PDK3: variants seen among roughly 807,000 people sequenced by gnomAD.
PDK3 encodes the protein pyruvate dehydrogenase kinase, isozyme 3.
In PDK3, 12 loss-of-function variants were observed where a neutral mutation model predicts 32.0. That is an observed-to-expected ratio of 0.37 (90% CI 0.24 to 0.61). The LOEUF (loss-of-function observed/expected upper bound fraction) is 0.61, where lower values mean the gene tolerates loss of function less well. PDK3 is among the 20% of genes least tolerant of loss of function. The pLI is 0.65. For synonymous variants in PDK3, 122 were observed against 116.3 expected, an observed-to-expected ratio of 1.05 and a Z score of -0.31; for missense variants, 188 against 316.9, an observed-to-expected ratio of 0.59 and a Z score of 3.09.
chrX:24,497,627 T>C (rs1223982275), intron 2 of PDK3, among the ~76,000 whole-genome samples: 1 of 112,840 alleles, frequency 8.9e-6, no homozygotes, highest in Admixed American at 9.3e-5. Flanking sequence ...TGAACATTCA[T>C]TAGTATCAAA....
intron 1 of PDK3, among the ~76,000 whole-genome samples, chrX:24,490,921 A>C (rs1015143955): frequency 1.8e-5 from 2 of 111,149 alleles, no homozygotes; most frequent in African/African-American, 6.6e-5. Context: ...TTGTGAAAAA[A>C]TTATTAGTTC....
intron 6 of PDK3, among the ~76,000 whole-genome samples, chrX:24,525,558 A>G (rs1285452822): frequency 2.7e-5 from 3 of 112,059 alleles, no homozygotes; most frequent in Non-Finnish European, 3.8e-5. Flanking sequence ...ATTTTTGAGC[A>G]TCTGCTCTGT....
At chrX:24,535,520 A>AAG (rs1555951173), downstream of PDK3, among the ~76,000 whole-genome samples, 15 of 100,005 alleles carry the variant, frequency 1.5e-4, no homozygotes, top group African/African-American at 3.2e-4. Flanking sequence ...AAAAAAAAAA[A>AAG]AAGAAGAAGA....
intron 1 of PDK3, among the ~76,000 whole-genome samples, chrX:24,470,225 T>G (rs971106525): frequency 1.8e-5 from 2 of 112,303 alleles, no homozygotes; most frequent in African/African-American, 6.5e-5. Context: ...CTAATTTATC[T>G]TTTGAATTAT....
At chrX:24,541,223 C>G (rs1487208371) in exon 12 of PDK3, among the ~76,000 whole-genome samples, 4 of 109,481 alleles carry the variant, frequency 3.7e-5, no homozygotes, top group African/African-American at 1.3e-4. Flanking sequence ...CCCTAGCTTC[C>G]TTATAAACAT....
chrX:24,544,500 A>G (rs1922956305), exon 12 of PDK3, among the ~76,000 whole-genome samples: 1 of 112,035 alleles, frequency 8.9e-6, no homozygotes, highest in Non-Finnish European at 1.9e-5. Flanking sequence ...TTCTGGAAAC[A>G]TGCACGCGCA....
chrX:24,511,010 G>C (rs768861331), intron 5 of PDK3, among the ~76,000 whole-genome samples: 4 of 112,389 alleles, frequency 3.6e-5, no homozygotes, highest in African/African-American at 6.5e-5. Flanking sequence ...AAGACTGAGA[G>C]AGAATAAAGA....
chrX:24,485,223 C>G (rs989288231), intron 1 of PDK3, among the ~76,000 whole-genome samples: 7 of 111,257 alleles, frequency 6.3e-5, no homozygotes, highest in Non-Finnish European at 1.3e-4. Flanking sequence ...TGGTGCACAT[C>G]TGTAATCCCA....
At chrX:24,515,936 T>C (rs1310048588) in intron 5 of PDK3, among the ~76,000 whole-genome samples, 1 of 111,338 alleles carries the variant, frequency 9.0e-6, no homozygotes, top group African/African-American at 3.3e-5. Context: ...GTCTGAGTTA[T>C]TTTAATGTCT....
Position 24,465,515 on chromosome X carries a change from G to C in PDK3, c.60G>C (p.Ser20=). 2 of 1,209,810 alleles carry C rather than the reference G, an allele frequency of 1.7e-6. No homozygotes were observed. Among genetic ancestry groups the C allele is most frequent in the Non-Finnish European group, 2.2e-6 (2 of 893,725 alleles). Residue 20 remains serine, a synonymous_variant, in exon 1 of 11, where the codon TCG becomes TCC. Transcript: ENST00000379162. ...QPVPKQIERY[S]RFSPSPLSIK... is the part of the protein sequence containing the mutation. ...TGCCCAAGCAGATCGAGCGCTACTCGCGCTTTTCGCCGTCGCCGCTCTCCA... is the reference window on the plus strand; with the variant it reads ...TGCCCAAGCAGATCGAGCGCTACTCCCGCTTTTCGCCGTCGCCGCTCTCCA...
At chrX:24,534,814 G>A (rs761957577), downstream of PDK3, among the ~76,000 whole-genome samples, 8 of 111,933 alleles carry the variant, frequency 7.1e-5, no homozygotes, top group South Asian at 3.7e-4. Flanking sequence ...AAAATTAGCC[G>A]TGTGTGGTGG....
At chrX:24,479,742 G>A (rs1921201764) in intron 1 of PDK3, among the ~76,000 whole-genome samples, 3 of 109,664 alleles carry the variant, frequency 2.7e-5, no homozygotes, top group Admixed American at 1.9e-4. Flanking sequence ...CCGAGGTCGC[G>A]CCACTGCACT....
chrX:24,500,774 A>C (rs970649342), intron 3 of PDK3, among the ~76,000 whole-genome samples: 2 of 111,742 alleles, frequency 1.8e-5, no homozygotes, highest in Non-Finnish European at 3.8e-5. Context: ...TAGTAAAGCA[A>C]AAGTAGCTTA....
At chrX:24,542,370 C>CT (rs202039905) in exon 12 of PDK3, among the ~76,000 whole-genome samples, 1,200 of 112,431 alleles carry the variant, frequency 0.011, 12 homozygotes, top group African/African-American at 0.035. Context: ...ATGCCATGAG[C>CT]TGGACTACAC....
At chrX:24,533,700 CAT>C (rs1268286109) in intron 10 of PDK3, among the ~76,000 whole-genome samples, 1 of 111,643 alleles carries the variant, frequency 9.0e-6, no homozygotes, top group African/African-American at 3.3e-5. Flanking sequence ...TTGTTCTGGT[CAT>C]GTGTATTTCA....
exon 12 of PDK3, among the ~76,000 whole-genome samples, chrX:24,544,508 G>A (rs995288926): frequency 1.8e-5 from 2 of 112,002 alleles, no homozygotes; most frequent in Non-Finnish European, 3.8e-5. Context: ...ACATGCACGC[G>A]CAGAGTGTGC....
At chrX:24,511,117 A>G (rs747952565) in intron 5 of PDK3, among the ~76,000 whole-genome samples, 3 of 112,448 alleles carry the variant, frequency 2.7e-5, no homozygotes, top group Non-Finnish European at 5.6e-5. Context: ...CCCAGGAGCA[A>G]CCATCAGAAG....
chrX:24,498,896 G>A lies in PDK3; in HGVS notation c.316G>A (p.Asp106Asn). 5.4e-6 allele frequency: 6 copies of A among 1,118,190 alleles called. No homozygotes were observed. Among genetic ancestry groups the A allele is most frequent in the Non-Finnish European group, 7.2e-6 (6 of 828,298 alleles). The allele number at this position is 1,118,190 out of a possible 1,213,427, so 92.2% of individuals were successfully genotyped here. Residue 106 changes from aspartate to asparagine, a missense_variant, in exon 3 of 11, where the codon GAT becomes AAT. Coordinates refer to ENST00000379162, the MANE Select transcript of PDK3 (RefSeq NM_005391.5). ...NKSPEDPQVL[D>N]NFLQVLIKVR... ...GAGCCCTGAGGATCCACAGGTCTTG[G>A]ATAAGTAAGTATGGTACCACTTAGC...
At chrX:24,519,650 G>A (rs1467061889) in intron 6 of PDK3, among the ~76,000 whole-genome samples, 1 of 111,336 alleles carries the variant, frequency 9.0e-6, no homozygotes, top group East Asian at 2.8e-4. Flanking sequence ...GATTACAGGC[G>A]TGAGCCACCG....
Sources: allele counts gnomAD v4.1 joint callset (sites outside exome capture counted in the v4.1 genomes callset), GRCh38; gene constraint gnomAD v4.1.1; transcripts MANE v1.5; gene names NCBI Gene and HGNC (gene_info 2026-07-23, HGNC 2026-07-21).